NADSYN1: variants seen among roughly 807,000 people sequenced by gnomAD.
NADSYN1 encodes the protein NAD synthetase 1.
In NADSYN1, 80 loss-of-function variants were observed where a neutral mutation model predicts 99.3. That is an observed-to-expected ratio of 0.81 (90% CI 0.67 to 0.97). The LOEUF (loss-of-function observed/expected upper bound fraction) is 0.97, where lower values mean the gene tolerates loss of function less well. Among genes scored for constraint, NADSYN1 ranks in the 50% least tolerant of loss-of-function variants. The pLI, the probability that NADSYN1 is intolerant of heterozygous loss-of-function variation, is 0.00. For missense variants in NADSYN1, 859 were observed against 948.5 expected (o/e 0.91, Z 1.24); for synonymous variants, 385 against 372.1 (o/e 1.03, Z -0.40).
intron 12 of NADSYN1, 147 bp from the exon 13 acceptor site, chr11:71,481,776 G>GT (rs1313792612): frequency 1.5e-6 from 1 of 649,558 alleles, no homozygotes; most frequent in Non-Finnish European, 2.7e-6. Flanking sequence ...CCACGTGCGG[G>GT]TATTTGTCCT....
At position 71,488,675 on chromosome 11, in the gene NADSYN1, G is replaced by A. The variant is rs554174476; in HGVS notation, c.1563-2170G>A. Among the ~76,000 whole-genome samples the A allele has an allele frequency of 7.8e-4, 118 of 152,118 alleles. 2 individuals carry two copies. The highest frequency in any genetic ancestry group is 5.3e-4 in the Non-Finnish European group (36 of 67,998). On this transcript the variant is annotated intron_variant, in intron 16 of 20. Transcript: ENST00000319023. ...AGTTTGCTTTATTATTAGAGACAGG[G>A]TCTTGCTCTGTCACCCAGGCTGGAG...
At chr11:71,469,960 G>A (rs918161267) in intron 5 of NADSYN1, among the ~76,000 whole-genome samples, 8 of 147,374 alleles carry the variant, frequency 5.4e-5, no homozygotes, top group Non-Finnish European at 3.0e-5. Flanking sequence ...GTGTTAGTCC[G>A]TTTTCATGCT....
rs931839703 is a variant in NADSYN1, at chr11:71,485,641, G to A, written c.1555G>A (p.Asp519Asn). The A allele has an allele frequency of 1.9e-6, 3 of 1,553,110 alleles. No individual in the cohort carries two copies. In the African/African-American group the frequency reaches 4.1e-5, roughly 21 times the overall value. Residue 519 changes from aspartate (D) to asparagine (N), a missense_variant, in exon 16 of 21, where the codon GAT becomes AAT. Physicochemically the swap from Asp to Asn is conservative, Grantham distance 23 (BLOSUM62 1). Transcript: ENST00000319023. ...GLLVLGSANV[D>N]ESLLGYLTKY... The stretch of plus-strand genomic sequence containing the variant: ...CCTCGTGCTGGGATCCGCCAACGTG[G>A]ATGAGAGGTGAGTGTGGCCCAGTGG...
chr11:71,474,217 G>A (rs569983557), intron 8 of NADSYN1, among the ~76,000 whole-genome samples, 178 bp from the exon 9 acceptor site: 84 of 151,880 alleles, frequency 5.5e-4, no homozygotes, highest in African/African-American at 1.0e-3. Context: ...CTAGCAAGGC[G>A]GGGCTCGCCG....
intron 15 of NADSYN1, 56 bp from the exon 16 acceptor site, chr11:71,485,486 T>C: frequency 7.4e-7 from 1 of 1,347,270 alleles, no homozygotes; most frequent in Non-Finnish European, 1.0e-6. Context: ...TGGGTGTGCG[T>C]CTCCCCCGTG....
rs149812928 is a variant in NADSYN1 at position 71,478,427 on chromosome 11, C to T, written c.831C>T (p.Asp277=). Residue 277 remains aspartate, a synonymous_variant, in exon 10 of 21, where the codon GAC becomes GAT. Coordinates refer to ENST00000319023, the MANE Select transcript of NADSYN1 (RefSeq NM_018161.5). ...TGACGGCCACGCTGGATCTGGAGGA[C>T]GTCCGGAGCTACAGGGCGGAGATTT... is the stretch of plus-strand genomic sequence containing the variant. The part of the protein sequence containing the change: ...EVLTATLDLE[D]VRSYRAEISS... 777 of 1,609,536 alleles carry T rather than the reference C, an allele frequency of 4.8e-4. No individual in the cohort carries two copies. The highest frequency in any genetic ancestry group is 6.0e-4 in the Non-Finnish European group (706 of 1,178,104).
Position 71,474,418 on chromosome 11 carries a change from C to A in NADSYN1, c.690C>A (p.Ala230=). 1 of 1,614,200 alleles carries A rather than the reference C, an allele frequency of 6.2e-7. No individual in the cohort carries two copies. Among genetic ancestry groups the A allele is most frequent in the Non-Finnish European group, 8.5e-7 (1 of 1,180,032 alleles). Residue 230 remains alanine, a synonymous_variant, in exon 9 of 21, where the codon GCC becomes GCA. Coordinates refer to ENST00000319023, the MANE Select transcript of NADSYN1 (RefSeq NM_018161.5). ...TSKNGGIYLL[A]NQKGCDGDRL... ...AGAACGGTGGGATTTACTTGCTGGC[C>A]AACCAGAAGGGTTGTGACGGGGACC...
At chr11:71,472,612 A>T (rs1949634809) in intron 6 of NADSYN1, 112 bp downstream of exon 6, 5 of 952,080 alleles carry the variant, frequency 5.3e-6, no homozygotes, top group Non-Finnish European at 8.4e-6. Context: ...AAGGCACCAC[A>T]GTGCTCACAG....
At chr11:71,455,978 G>A (rs921582827) in intron 2 of NADSYN1, among the ~76,000 whole-genome samples, 1 of 152,232 alleles carries the variant, frequency 6.6e-6, no homozygotes, top group Non-Finnish European at 1.5e-5. Flanking sequence ...CACGTTGTAA[G>A]TCTCTTGTAA....
chr11:71,489,465 A>C (rs1949765138), intron 16 of NADSYN1, among the ~76,000 whole-genome samples: 1 of 152,128 alleles, frequency 6.6e-6, no homozygotes, highest in Admixed American at 6.5e-5. Context: ...TGAGCTCTGC[A>C]CTGCGGGATT....
In NADSYN1 at chr11:71,457,100, G is replaced by A. The variant is rs116124829; in HGVS notation, c.147-1328G>A. ...CCGAAGGGGTGAGAGGCCTCTGGTC[G>A]CTGGATGCCATGCAGCGGGACGTGT... On this transcript the variant is annotated intron_variant, in intron 2 of 20. Coordinates refer to ENST00000319023, the MANE Select transcript of NADSYN1 (RefSeq NM_018161.5). Among the ~76,000 whole-genome samples the A allele has an allele frequency of 9.9e-3, 1,514 of 152,362 alleles. 32 individuals carry two copies. The highest frequency in any genetic ancestry group is 0.034 in the African/African-American group (1,413 of 41,588).
At chr11:71,473,780 A>G in intron 8 of NADSYN1, 94 bp downstream of exon 8, 1 of 897,068 alleles carries the variant, frequency 1.1e-6, no homozygotes, top group Non-Finnish European at 1.8e-6. Context: ...CTGGGCCCAC[A>G]CACAATGGAT....
At chr11:71,501,186 G>C (rs1949855050) in intron 20 of NADSYN1, 116 bp from the exon 21 acceptor site, 1 of 971,052 alleles carries the variant, frequency 1.0e-6, no homozygotes, top group Non-Finnish European at 1.5e-6. Flanking sequence ...TGGGGACTCT[G>C]GTAATTTACT....
intron 20 of NADSYN1, chr11:71,499,059 T>A (rs1949840389): frequency 6.5e-6 from 1 of 153,656 alleles, no homozygotes; most frequent in Non-Finnish European, 1.4e-5. Context: ...TTTCTCTGCC[T>A]GGCTTATTTC....
rs140358556 is a variant in NADSYN1 at position 71,499,851 on chromosome 11, C to T, written c.2070+1323C>T. ...AGGAGTTGGAGACCAGCCTGGGCAG[C>T]ATGGCAAAACCCCATCTCTACAAAA... On this transcript the variant is annotated intron_variant, in intron 20 of 20. Transcript: ENST00000319023. 1,358 of 152,296 alleles carry T rather than the reference C, an allele frequency of 8.9e-3. 21 individuals carry two copies. The highest frequency in any genetic ancestry group is 0.031 in the African/African-American group (1,290 of 41,544). 9.4% of individuals were successfully genotyped at this position (152,296 alleles called of 1,614,324 possible).
chr11:71,484,276 A>G, intron 14 of NADSYN1, 36 bp from the exon 15 acceptor site: 1 of 1,605,288 alleles, frequency 6.2e-7, no homozygotes, highest in Non-Finnish European at 8.5e-7. Flanking sequence ...ACACACGTGC[A>G]CATGCTGCCT....
chr11:71,488,294 C>A (rs557617145), intron 16 of NADSYN1, among the ~76,000 whole-genome samples: 23 of 151,178 alleles, frequency 1.5e-4, no homozygotes, highest in Admixed American at 9.9e-4. Context: ...AAACGTCCGC[C>A]GAGAGAGCTC....
At chr11:71,471,841 A>G (rs1949629160) in intron 5 of NADSYN1, among the ~76,000 whole-genome samples, 1 of 152,192 alleles carries the variant, frequency 6.6e-6, no homozygotes, top group Non-Finnish European at 1.5e-5. Context: ...ATTCTAAGAA[A>G]GCAAAAAGGA....
At chr11:71,485,720 A>C (rs1949738181) in intron 16 of NADSYN1, 72 bp downstream of exon 16, 14 of 1,123,328 alleles carry the variant, frequency 1.2e-5, no homozygotes, top group Non-Finnish European at 1.1e-5. Flanking sequence ...ATACGCTGTG[A>C]GATTCTATCA....
Sources: allele counts gnomAD v4.1 joint callset (sites outside exome capture counted in the v4.1 genomes callset), GRCh38; gene constraint gnomAD v4.1.1; transcripts MANE v1.5; gene names NCBI Gene and HGNC (gene_info 2026-07-23, HGNC 2026-07-21).